Variants in CCDC88A observed in about 807,000 individuals in gnomAD.
The protein encoded by CCDC88A is coiled-coil and HOOK domain protein 88A.
Under a neutral mutation model 234.3 loss-of-function variants are expected in CCDC88A, and 54 were observed. That is an observed-to-expected ratio of 0.23 (90% CI 0.19 to 0.29). CCDC88A has a LOEUF of 0.29. Among genes scored for constraint, CCDC88A ranks in the 10% least tolerant of loss-of-function variants. The probability of loss-of-function intolerance (pLI) is 1.00; values close to 1 mark genes in which losing one functional copy is unlikely to be tolerated. For synonymous variants in CCDC88A, 753 were observed against 737.8 expected, an observed-to-expected ratio of 1.02 and a Z score of -0.33; for missense variants, 1,832 against 2,123.4, an observed-to-expected ratio of 0.86 and a Z score of 2.70.
At chr2:55,414,507 AAG>A (rs1290075319) in intron 2 of CCDC88A, among the ~76,000 whole-genome samples, 1 of 152,240 alleles carries the variant, frequency 6.6e-6, no homozygotes, top group African/African-American at 2.4e-5. Context: ...CCATTAGTTT[AAG>A]ACGATTGAAG....
intron 12 of CCDC88A, 46 bp downstream of exon 12, chr2:55,343,602 A>C (rs1182923594): frequency 1.4e-6 from 2 of 1,460,526 alleles, no homozygotes; most frequent in Non-Finnish European, 1.9e-6. Flanking sequence ...CATAAATACA[A>C]CTTCATGATT....
At chr2:55,322,870 T>TTA (rs1257092092) in intron 17 of CCDC88A, 178 bp from the exon 18 acceptor site, 1 of 413,116 alleles carries the variant, frequency 2.4e-6, no homozygotes, top group Admixed American at 4.2e-5. Context: ...CTCCTAGAAA[T>TTA]ATAAAACATA....
chr2:55,384,105 G>A (rs145287788), intron 3 of CCDC88A, among the ~76,000 whole-genome samples: 11 of 152,086 alleles, frequency 7.2e-5, no homozygotes, highest in African/African-American at 9.6e-5. Context: ...AGGCTGAGGC[G>A]GAAGGATTGC....
At chr2:55,414,653 T>C (rs1681045666) in intron 2 of CCDC88A, among the ~76,000 whole-genome samples, 1 of 152,138 alleles carries the variant, frequency 6.6e-6, no homozygotes, top group Non-Finnish European at 1.5e-5. Context: ...CAGTAAACAG[T>C]GTCATGAAGA....
rs1406083575 is a variant in CCDC88A, at chr2:55,344,526, T to C, written c.1042-12A>G. 6 of 1,427,312 alleles carry C rather than the reference T, an allele frequency of 4.2e-6. No homozygotes were observed. Among genetic ancestry groups the C allele is most frequent in the Non-Finnish European group, 5.7e-6 (6 of 1,047,532 alleles). The allele number at this position is 1,427,312 out of a possible 1,614,324, so 88.4% of individuals were successfully genotyped here. On this transcript the variant is annotated splice_polypyrimidine_tract_variant and intron_variant, in intron 10 of 32. Transcript: ENST00000436346. ...TCTTCTTTTAATTCCTATAAATGTT[T>C]ATCACAAATGTGTTAATATCTGTTA...
At chr2:55,295,537 C>A in intron 31 of CCDC88A, 60 bp downstream of exon 31, 2 of 1,613,808 alleles carry the variant, frequency 1.2e-6, no homozygotes, top group Non-Finnish European at 1.7e-6. Flanking sequence ...GCACAAGAAC[C>A]TATAGTATGT....
intron 2 of CCDC88A, 52 bp downstream of exon 2, chr2:55,418,764 C>T (rs1413241615): frequency 2.0e-5 from 27 of 1,380,902 alleles, no homozygotes; most frequent in East Asian, 4.6e-5. Context: ...CAAAGTTCAC[C>T]ATATGCTATT....
intron 3 of CCDC88A, among the ~76,000 whole-genome samples, chr2:55,384,082 C>T (rs1675056571): frequency 1.3e-5 from 2 of 151,686 alleles, no homozygotes; most frequent in Non-Finnish European, 1.5e-5. Context: ...ATGTGTAGTC[C>T]CAGCTACTTA....
At chr2:55,399,239 A>C (rs1030852589) in intron 2 of CCDC88A, among the ~76,000 whole-genome samples, 22 of 152,086 alleles carry the variant, frequency 1.4e-4, no homozygotes, top group African/African-American at 5.1e-4. Flanking sequence ...CTTTTAAAAA[A>C]GTTTAAAAAG....
At chr2:55,314,106 C>CA (rs1371770412) in intron 22 of CCDC88A, 1 of 152,216 alleles carries the variant, frequency 6.6e-6, no homozygotes, top group Non-Finnish European at 1.5e-5. Flanking sequence ...GACTTCCACT[C>CA]AGACTCTCAG....
At chr2:55,349,396 T>C (rs1390341551) in intron 9 of CCDC88A, 122 bp downstream of exon 9, 1 of 711,814 alleles carries the variant, frequency 1.4e-6, no homozygotes, top group Non-Finnish European at 2.4e-6. Context: ...TCCAATCTCT[T>C]GAAGCCTCAG....
At chr2:55,357,274 G>C (rs1363918798) in intron 7 of CCDC88A, among the ~76,000 whole-genome samples, 1 of 151,900 alleles carries the variant, frequency 6.6e-6, no homozygotes, top group Non-Finnish European at 1.5e-5. Context: ...CTCAAAGATA[G>C]ATTCCTTCCT....
intron 28 of CCDC88A, chr2:55,300,160 TG>T (rs1680707853): frequency 2.3e-6 from 1 of 437,120 alleles, no homozygotes; most frequent in African/African-American, 2.0e-5. Context: ...GATTTGAAAA[TG>T]AGTTCTAGAT....
chr2:55,308,897 C>G lies in CCDC88A; in HGVS notation c.4299G>C (p.Gln1433His), dbSNP rs113209169. 6.8e-6 allele frequency: 11 copies of G among 1,613,944 alleles called. No homozygotes were observed. The highest frequency in any genetic ancestry group is 3.3e-5 in the Admixed American group (2 of 59,996). ...TRSDSSEGFL[Q>H]LPHQDSQDSS... ...TATCTTGACTGTCTTGATGAGGGAG[C>G]TGAAGAAATCCTTCACTGGAGTCTG... The change falls in exon 25 of 33, where the codon CAG (glutamine) becomes CAC (histidine). Residue 1433 changes from glutamine to histidine, a missense_variant. Gln to His is a conservative substitution (Grantham distance 24, BLOSUM62 0). Coordinates refer to ENST00000436346, the MANE Select transcript of CCDC88A (RefSeq NM_001365480.1).
At chr2:55,307,425 T>TCTCAGC (rs1681738919) in intron 25 of CCDC88A, among the ~76,000 whole-genome samples, 1 of 148,982 alleles carries the variant, frequency 6.7e-6, no homozygotes, top group African/African-American at 2.5e-5. Flanking sequence ...AATGGTGCAA[T>TCTCAGC]CTCAGCCTCA....
chr2:55,411,775 G>T (rs1362890930), intron 2 of CCDC88A, among the ~76,000 whole-genome samples: 3 of 62,458 alleles, frequency 4.8e-5, no homozygotes, highest in African/African-American at 1.4e-4. Flanking sequence ...GTAAGACTCC[G>T]TCTCAAAAAA....
At chr2:55,338,191 C>T (rs914301981) in intron 13 of CCDC88A, among the ~76,000 whole-genome samples, 3 of 152,082 alleles carry the variant, frequency 2.0e-5, no homozygotes, top group Admixed American at 2.0e-4. Context: ...TTAATGACAA[C>T]CAAAATAAAA....
intron 3 of CCDC88A, among the ~76,000 whole-genome samples, chr2:55,376,249 A>G (rs1001733072): frequency 2.6e-5 from 4 of 152,198 alleles, no homozygotes; most frequent in Non-Finnish European, 4.4e-5. Context: ...TAATTACTGA[A>G]TCTTTGCAAT....
At chr2:55,401,989 C>T (rs1574478214) in intron 2 of CCDC88A, among the ~76,000 whole-genome samples, 1 of 54,768 alleles carries the variant, frequency 1.8e-5, no homozygotes, top group South Asian at 4.9e-4. Context: ...AATGGCTGAA[C>T]CCACCCTTTA....
Sources: allele counts gnomAD v4.1 joint callset (sites outside exome capture counted in the v4.1 genomes callset), GRCh38; gene constraint gnomAD v4.1.1; transcripts MANE v1.5; gene names NCBI Gene and HGNC (gene_info 2026-07-23, HGNC 2026-07-21).